The following FHL2 variants were observed in gnomAD, a reference collection of about 807,000 sequenced individuals.
FHL2 encodes the protein four and a half LIM domains 2, also known as four and a half LIM domains protein 2.
Under a neutral mutation model 32.7 loss-of-function variants are expected in FHL2, and 20 were observed. The ratio of observed to expected loss-of-function variants is 0.61; its 90% CI spans 0.43 to 0.89. FHL2 has a LOEUF of 0.89. Ranked by LOEUF, FHL2 falls within the 40% of genes least tolerant of loss-of-function variation. The probability of loss-of-function intolerance (pLI) is 0.00; values close to 1 mark genes in which losing one functional copy is unlikely to be tolerated. For missense variants in FHL2, 311 were observed against 358.6 expected (o/e 0.87, Z 1.07); for synonymous variants, 123 against 128.1 (o/e 0.96, Z 0.27).
intron 1 of FHL2, among the ~76,000 whole-genome samples, chr2:105,404,510 G>A (rs1052931956): frequency 1.2e-4 from 19 of 152,262 alleles, no homozygotes; most frequent in East Asian, 3.9e-4. Flanking sequence ...CTATTTGCCC[G>A]GATCCAGCAG....
chr2:105,403,487 G>A (rs1683535189), upstream of FHL2, among the ~76,000 whole-genome samples: 1 of 152,190 alleles, frequency 6.6e-6, no homozygotes, highest in Admixed American at 6.5e-5. Context: ...GGGCTTCAGG[G>A]AGAGGCACAG....
At chr2:105,399,222 C>T, upstream of FHL2, 2 of 1,533,376 alleles carry the variant, frequency 1.3e-6, no homozygotes, top group Non-Finnish European at 1.7e-6. Context: ...CGGCCCGTAC[C>T]CTTTGTTTGC....
At chr2:105,412,785 G>A (rs1334129177) in intron 1 of FHL2, among the ~76,000 whole-genome samples, 2 of 152,186 alleles carry the variant, frequency 1.3e-5, no homozygotes, top group Non-Finnish European at 2.9e-5. Flanking sequence ...TGACACAGCC[G>A]AGGAGCAGTG....
intron 1 of FHL2, among the ~76,000 whole-genome samples, chr2:105,418,793 T>A (rs759612903): frequency 2.5e-4 from 38 of 152,218 alleles, no homozygotes; most frequent in Non-Finnish European, 4.1e-4. Flanking sequence ...TACAATATTT[T>A]GACAGAGAGA....
intron 1 of FHL2, among the ~76,000 whole-genome samples, chr2:105,423,456 C>T (rs1684166336): frequency 6.6e-6 from 1 of 152,176 alleles, no homozygotes; most frequent in African/African-American, 2.4e-5. Context: ...CATATTTATA[C>T]TTCTAACAGT....
At chr2:105,413,718 A>C (rs1374733981) in intron 1 of FHL2, among the ~76,000 whole-genome samples, 1 of 152,144 alleles carries the variant, frequency 6.6e-6, no homozygotes, top group Non-Finnish European at 1.5e-5. Flanking sequence ...GGCCTCAAGC[A>C]ATTGTCTTTC....
chr2:105,399,149 G>A (rs950594380), upstream of FHL2: 2 of 1,364,460 alleles, frequency 1.5e-6, no homozygotes, highest in Non-Finnish European at 9.4e-7. Context: ...GGCGTGGGGC[G>A]CGGGGGGCGG....
At chr2:105,386,571 A>AT (rs759441685) in intron 2 of FHL2, 31 bp from the exon 3 acceptor site, 1 of 1,607,104 alleles carries the variant, frequency 6.2e-7, no homozygotes, top group Non-Finnish European at 8.5e-7. Context: ...TCCAAGTCCC[A>AT]TTAAGCACTC....
At chr2:105,358,637 GTTTA>G (rs1296055994), downstream of FHL2, 1 of 152,200 alleles carries the variant, frequency 6.6e-6, no homozygotes, top group Non-Finnish European at 1.5e-5. Context: ...CTGAATGAAT[GTTTA>G]TTTGTTGTAT....
intron 1 of FHL2, among the ~76,000 whole-genome samples, chr2:105,405,090 G>A (rs116315733): frequency 0.024 from 3,600 of 152,264 alleles, 64 homozygotes; most frequent in South Asian, 0.061. Flanking sequence ...TTGCTGGATG[G>A]TTTCAGATGA....
intron 1 of FHL2, among the ~76,000 whole-genome samples, chr2:105,431,620 A>G (rs886811960): frequency 3.3e-5 from 5 of 152,214 alleles, no homozygotes; most frequent in Non-Finnish European, 7.4e-5. Flanking sequence ...TCAGATTCCT[A>G]GGGCCTGGAT....
chr2:105,411,678 C>T (rs1390069836), intron 1 of FHL2, among the ~76,000 whole-genome samples: 1 of 150,030 alleles, frequency 6.7e-6, no homozygotes, highest in Non-Finnish European at 1.5e-5. Flanking sequence ...TGTCTCTACT[C>T]AAAATACAAA....
In FHL2 at chr2:105,416,852, G is replaced by A. The variant is rs76656863; in HGVS notation, c.-25+21547C>T. Among the ~76,000 whole-genome samples, 1,108 of 152,290 alleles carry A rather than the reference G, an allele frequency of 7.3e-3. 21 individuals are homozygous for A. Among genetic ancestry groups the A allele is most frequent in the African/African-American group, 0.026 (1,065 of 41,564 alleles). ...ATCCTTGAAAACAAAAACAAATACTGTCAGTTGTTTCCCTTAGAATGACAG... is the reference window on the plus strand; with the variant it reads ...ATCCTTGAAAACAAAAACAAATACTATCAGTTGTTTCCCTTAGAATGACAG... On this transcript the variant is annotated intron_variant, in intron 1 of 5. Transcript: ENST00000393352.
In FHL2 at chr2:105,428,470, G is replaced by T. The variant is rs531285503; in HGVS notation, c.-25+9929C>A. Among the ~76,000 whole-genome samples the T allele has an allele frequency of 3.3e-5, 5 of 152,306 alleles. No individual in the cohort carries two copies. In the East Asian group the frequency reaches 7.7e-4, roughly 24 times the overall value. On this transcript the variant is annotated intron_variant, in intron 1 of 5. Transcript: ENST00000393352. The stretch of plus-strand genomic sequence containing the variant: ...GGATCAAACCTGGCTGGTTTGCTGG[G>T]CCTTGGAATTACCTTCGGGATCTTT...
At chr2:105,432,377 G>A (rs1476577764) in intron 1 of FHL2, among the ~76,000 whole-genome samples, 1 of 152,104 alleles carries the variant, frequency 6.6e-6, no homozygotes, top group Non-Finnish European at 1.5e-5. Context: ...TGACTGTCTT[G>A]TTTGACCTCT....
intron 2 of FHL2, among the ~76,000 whole-genome samples, chr2:105,391,880 C>G (rs958527124): frequency 6.6e-6 from 1 of 152,238 alleles, no homozygotes; most frequent in African/African-American, 2.4e-5. Flanking sequence ...CAGGCAACAG[C>G]CTGCAGGGAG....
At chr2:105,426,806 C>G (rs553886743) in intron 1 of FHL2, among the ~76,000 whole-genome samples, 1 of 152,260 alleles carries the variant, frequency 6.6e-6, no homozygotes, top group African/African-American at 2.4e-5. Flanking sequence ...CAGATGCTGC[C>G]GAGGAGGTGT....
At chr2:105,397,418 T>G (rs2104629337) in intron 1 of FHL2, among the ~76,000 whole-genome samples, 1 of 152,250 alleles carries the variant, frequency 6.6e-6, no homozygotes, top group South Asian at 2.1e-4. Flanking sequence ...TGTTTCCCAG[T>G]GGAGAAAACC....
chr2:105,436,259 G>A (rs1044863225), intron 1 of FHL2, among the ~76,000 whole-genome samples: 10 of 152,260 alleles, frequency 6.6e-5, no homozygotes, highest in African/African-American at 2.4e-4. Context: ...CAAGGCGCAA[G>A]GTGGTTGAGT....
Sources: allele counts gnomAD v4.1 joint callset (sites outside exome capture counted in the v4.1 genomes callset), GRCh38; gene constraint gnomAD v4.1.1; transcripts MANE v1.5; gene names NCBI Gene and HGNC (gene_info 2026-07-23, HGNC 2026-07-21).